The following MS4A8 variants were observed in gnomAD, a reference collection of about 807,000 sequenced individuals.
The protein encoded by MS4A8 is membrane spanning 4-domains A8.
Under a neutral mutation model 23.7 loss-of-function variants are expected in MS4A8, and 27 were observed. The ratio of observed to expected loss-of-function variants is 1.14; its 90% CI spans 0.84 to 1.57. MS4A8 has a LOEUF of 1.57. Ranked by LOEUF, MS4A8 falls within the 40% of genes most tolerant of loss-of-function variation. The pLI is 0.00. For synonymous variants in MS4A8, 138 were observed against 126.3 expected (o/e 1.09, Z -0.62); for missense variants, 301 against 311.4 (o/e 0.97, Z 0.25).
At chr11:60,700,792 G>T in intron 1 of MS4A8, 68 bp from the exon 2 acceptor site, 1 of 1,525,422 alleles carries the variant, frequency 6.6e-7, no homozygotes, top group Non-Finnish European at 9.1e-7. Context: ...GCTAGAAGAA[G>T]CAAAAGTCCT....
chr11:60,714,614 G>A (rs953361394), intron 5 of MS4A8, among the ~76,000 whole-genome samples: 7 of 151,794 alleles, frequency 4.6e-5, no homozygotes, highest in Non-Finnish European at 8.8e-5. Context: ...CCACCATGGC[G>A]CTCAACTCCT....
chr11:60,712,975 C>G (rs2088312482), intron 5 of MS4A8, among the ~76,000 whole-genome samples: 1 of 152,128 alleles, frequency 6.6e-6, no homozygotes, highest in South Asian at 2.1e-4. Context: ...AGACTCCATA[C>G]TCCTGGGTAT....
chr11:60,713,911 T>TAACAAGCGTGCTGCC lies in MS4A8; in HGVS notation c.535-1110_535-1109insAACAAGCGTGCTGCC, dbSNP rs1565054187. Among the ~76,000 whole-genome samples, 103 of 114,594 alleles carry TAACAAGCGTGCTGCC rather than the reference T, an allele frequency of 9.0e-4. 1 individual carries two copies. Among genetic ancestry groups the TAACAAGCGTGCTGCC allele is most frequent in the African/African-American group, 3.7e-3 (91 of 24,382 alleles). 75.2% of individuals were successfully genotyped at this position (114,594 alleles called of 152,430 possible). The stretch of plus-strand genomic sequence containing the variant: ...GAGATTAGGGAGTGGTGATGACTCT[T>TAACAAGCGTGCTGCC]TTTTTTTTTTTTTTTTTTTTTTTTG... On this transcript the variant is annotated intron_variant, in intron 5 of 6. Transcript: ENST00000300226.
Position 60,709,667 on chromosome 11 carries a change from C to G in MS4A8, c.534+886C>G, listed in dbSNP as rs534821790. Among the ~76,000 whole-genome samples the G allele has an allele frequency of 2.0e-5, 3 of 152,316 alleles. No homozygotes were observed. The South Asian group carries it at 6.2e-4, about 32-fold the overall frequency. Reference sequence around the variant, plus strand: ...CTACAGATGAGCTACCTGTGTCCCACGTAAATTCAATCCTCTGTCTGCGCA... The same window carrying G: ...CTACAGATGAGCTACCTGTGTCCCAGGTAAATTCAATCCTCTGTCTGCGCA... On this transcript the variant is annotated intron_variant, in intron 5 of 6. Coordinates refer to ENST00000300226, the MANE Select transcript of MS4A8 (RefSeq NM_031457.2).
At chr11:60,700,315 G>A (rs1363456331) in intron 1 of MS4A8, among the ~76,000 whole-genome samples, 1 of 152,222 alleles carries the variant, frequency 6.6e-6, no homozygotes, top group Non-Finnish European at 1.5e-5. Flanking sequence ...GGAGGCCGAG[G>A]CAAGCGGATC....
intron 5 of MS4A8, among the ~76,000 whole-genome samples, chr11:60,712,847 G>A (rs1417651092): frequency 6.6e-6 from 1 of 151,868 alleles, no homozygotes; most frequent in East Asian, 1.9e-4. Flanking sequence ...GGTACCTACT[G>A]CATGCCATCC....
intron 4 of MS4A8, 32 bp downstream of exon 4, chr11:60,707,079 C>G: frequency 6.3e-7 from 1 of 1,589,232 alleles, no homozygotes; most frequent in South Asian, 1.1e-5. Flanking sequence ...GCTCTTCCAA[C>G]TGGAGACCTA....
At chr11:60,712,206 TA>T in intron 5 of MS4A8, 1 of 455,038 alleles carries the variant, frequency 2.2e-6, no homozygotes, top group Non-Finnish European at 2.9e-6. Flanking sequence ...TCACCCTCTC[TA>T]AATCCCTTCA....
rs1360306395 is a variant in MS4A8 at position 60,708,760 on chromosome 11, T to C, written c.513T>C (p.Tyr171=). Residue 171 remains tyrosine, a synonymous_variant, in exon 5 of 7, where the codon TAT becomes TAC. Coordinates refer to ENST00000300226, the MANE Select transcript of MS4A8 (RefSeq NM_031457.2). ...CCCACCCATATGCCTACCCCGACTA[T>C]TATCCTTACGCCTGGGGTGTGGTGA... The part of the protein sequence containing the change: ...SIPHPYAYPD[Y]YPYAWGVNPG... The C allele has an allele frequency of 6.2e-7, 1 of 1,614,080 alleles. No homozygotes were observed. Among genetic ancestry groups the C allele is most frequent in the Non-Finnish European group, 8.5e-7 (1 of 1,179,952 alleles).
chr11:60,715,445 G>A lies in MS4A8; in HGVS notation c.*31G>A, dbSNP rs747695075. ...CAGATTCTGGAAGCATCTTTCACTG[G>A]GACCAAAAGAAGTCCTCCTCCCTTT... On this transcript the variant is annotated 3_prime_UTR_variant, in exon 7 of 7. Transcript: ENST00000300226. The A allele has an allele frequency of 5.7e-6, 9 of 1,573,598 alleles. No individual in the cohort carries two copies. In the South Asian group the frequency reaches 9.0e-5, roughly 16 times the overall value.
intron 5 of MS4A8, 199 bp downstream of exon 5, chr11:60,708,980 T>C: frequency 5.4e-6 from 3 of 558,334 alleles, no homozygotes; most frequent in Admixed American, 3.1e-5. Flanking sequence ...TTTCTGCCTT[T>C]GTAGAACAAT....
In MS4A8 at chr11:60,715,655, C is replaced by A. The variant is rs772177292; in HGVS notation, c.*241C>A. Reference sequence around the variant, plus strand: ...GGACTCCCTAGGGCACATGCATCAGCACATATGTGGGCATCCAGCCTCTGG... The same window carrying A: ...GGACTCCCTAGGGCACATGCATCAGAACATATGTGGGCATCCAGCCTCTGG... On this transcript the variant is annotated 3_prime_UTR_variant, in exon 7 of 7. Transcript: ENST00000300226. 4.4e-5 allele frequency: 22 copies of A among 502,424 alleles called. No individual in the cohort carries two copies. The highest frequency in any genetic ancestry group is 6.8e-5 in the Non-Finnish European group (19 of 279,350). 31.1% of individuals were successfully genotyped at this position (502,424 alleles called of 1,614,324 possible).
At chr11:60,703,205 T>G in intron 2 of MS4A8, 173 bp from the exon 3 acceptor site, 1 of 678,022 alleles carries the variant, frequency 1.5e-6, no homozygotes, top group East Asian at 3.7e-5. Context: ...TGTAAACAGT[T>G]GTTTTCTCCA....
chr11:60,704,711 G>C (rs1431140894), intron 3 of MS4A8, among the ~76,000 whole-genome samples: 1 of 152,094 alleles, frequency 6.6e-6, no homozygotes, highest in Non-Finnish European at 1.5e-5. Flanking sequence ...GCTTTCATCA[G>C]ATTATCAGAG....
At chr11:60,714,878 G>A (rs112159924) in intron 5 of MS4A8, 143 bp from the exon 6 acceptor site, 68 of 643,328 alleles carry the variant, frequency 1.1e-4, no homozygotes, top group African/African-American at 7.1e-4. Context: ...ACAAAAACCC[G>A]GTGGGAAATT....
At position 60,701,170 on chromosome 11, in the gene MS4A8, A is replaced by C. The variant is rs886572964; in HGVS notation, c.219+91A>C. 14 of 1,230,258 alleles carry C rather than the reference A, an allele frequency of 1.1e-5. No homozygotes were observed. The African/African-American group carries it at 1.8e-4, about 16-fold the overall frequency. 76.2% of individuals were successfully genotyped at this position (1,230,258 alleles called of 1,614,324 possible). A position where few individuals can be genotyped will look rare whatever the true frequency, so the allele number is the denominator to read the frequency against. Reference sequence around the variant, plus strand: ...GGCCTGGGAAATACACAAACACTACATCCCGCAAGTGGGGCTGAGTTGATC... The same window carrying C: ...GGCCTGGGAAATACACAAACACTACCTCCCGCAAGTGGGGCTGAGTTGATC... On this transcript the variant is annotated intron_variant, in intron 2 of 6. Transcript: ENST00000300226.
intron 5 of MS4A8, among the ~76,000 whole-genome samples, chr11:60,712,957 A>G (rs953525586): frequency 1.3e-5 from 2 of 152,142 alleles, no homozygotes; most frequent in African/African-American, 4.8e-5. Flanking sequence ...CTTCCCAGAT[A>G]CACTGGAAGA....
Position 60,715,336 on chromosome 11 carries a change from T to G in MS4A8, c.675T>G (p.Tyr225Ter). 1.2e-6 allele frequency: 2 copies of G among 1,614,046 alleles called. No individual in the cohort carries two copies. The highest frequency in any genetic ancestry group is 1.7e-5 in the Admixed American group (1 of 60,002). ...SNVSVIYPNI[Y>*]AANPVITPEP... is the part of the protein sequence containing the mutation. ...TGAGTGTCATCTATCCAAACATCTA[T>G]GCAGCAAACCCAGTGATCACCCCAG... The change falls in exon 7 of 7, where the codon TAT becomes TAG. Residue 225 changes from tyrosine (Y) to a stop codon, truncating the protein, a stop_gained. Coordinates refer to ENST00000300226, the MANE Select transcript of MS4A8 (RefSeq NM_031457.2). LOFTEE classifies it low-confidence loss of function (END_TRUNC).
At chr11:60,709,572 T>G (rs1394790511) in intron 5 of MS4A8, among the ~76,000 whole-genome samples, 2 of 152,256 alleles carry the variant, frequency 1.3e-5, no homozygotes, top group Non-Finnish European at 2.9e-5. Flanking sequence ...ACATCTCGAT[T>G]TGGGACCAGC....
Sources: gnomAD v4.1 joint callset for allele counts (sites outside exome capture counted in the v4.1 genomes callset) on GRCh38, gnomAD v4.1.1 for gene constraint, MANE v1.5 for transcripts, NCBI Gene and HGNC (gene_info 2026-07-23, HGNC 2026-07-21) for gene names.